Variants in CYP2R1 observed in about 807,000 individuals in gnomAD.
CYP2R1 encodes the protein cytochrome P450 family 2 subfamily R member 1.
Under a neutral mutation model 45.7 loss-of-function variants are expected in CYP2R1, and 40 were observed. That is an observed-to-expected ratio of 0.87 (90% CI 0.68 to 1.14). The LOEUF is 1.14. Ranked by LOEUF, CYP2R1 falls within the 50% of genes most tolerant of loss-of-function variation. The probability of loss-of-function intolerance (pLI) is 0.00; values close to 1 mark genes in which losing one functional copy is unlikely to be tolerated. For missense variants in CYP2R1, 605 were observed against 602.6 expected (o/e 1.00, Z -0.04); for synonymous variants, 234 against 219.3 (o/e 1.07, Z -0.59).
chr11:14,877,962 A>C lies in CYP2R1; in HGVS notation c.*160T>G, dbSNP rs2291781. 6.8e-4 allele frequency: 464 copies of C among 687,314 alleles called. 1 individual carries two copies. In the East Asian group the frequency reaches 0.012, roughly 18 times the overall value. 42.6% of individuals were successfully genotyped at this position (687,314 alleles called of 1,614,324 possible). A position where few individuals can be genotyped will look rare whatever the true frequency, so the allele number is the denominator to read the frequency against. On this transcript the variant is annotated 3_prime_UTR_variant, in exon 5 of 5. Transcript: ENST00000334636. ...AAAATCTTGAAAAACAATCACGACTAGTGCTTGTTTCTGCTCTAGTACTAT... is the reference window on the plus strand; with the variant it reads ...AAAATCTTGAAAAACAATCACGACTCGTGCTTGTTTCTGCTCTAGTACTAT...
At chr11:14,880,875 G>A (rs545936252) in intron 2 of CYP2R1, 107 bp from the exon 3 acceptor site, 4 of 1,048,542 alleles carry the variant, frequency 3.8e-6, no homozygotes. Context: ...TCTCCAAATT[G>A]TCCTCCTATA....
Position 14,890,871 on chromosome 11 carries a change from T to C in CYP2R1, c.225+1110A>G, listed in dbSNP as rs7129781. On this transcript the variant is annotated intron_variant, in intron 1 of 4. Transcript: ENST00000334636. ...GCACCTAGACCAATCCTTGTAAAAA[T>C]TGGTTTAAGTAAGGATTTAAGGTCA... 82,369 of 985,164 alleles carry C rather than the reference T, an allele frequency of 0.084. 3,872 individuals are homozygous for C. The highest frequency in any genetic ancestry group is 0.19 in the African/African-American group (10,726 of 57,244). The allele number at this position is 985,164 out of a possible 1,614,324, so 61.0% of individuals were successfully genotyped here.
rs1848883819 is a variant in CYP2R1 at position 14,892,123 on chromosome 11, C to A, written c.83G>T (p.Arg28Leu). ...LFLLLFALGVRQLLKQRRPMG... is the reference protein window; with the variant it reads ...LFLLLFALGVLQLLKQRRPMG... ...CGGCCGCCTCTGCTTCAGCAGCTGG[C>A]GGACCCCTAGCGCGAAGAGCAGCAG... Residue 28 changes from arginine to leucine, a missense_variant, in exon 1 of 5, where the codon CGC (arginine) becomes CTC (leucine). Arg to Leu is a moderately radical substitution (Grantham distance 102, BLOSUM62 -2). Coordinates refer to ENST00000334636, the MANE Select transcript of CYP2R1 (RefSeq NM_024514.5). 3 of 1,611,548 alleles carry A rather than the reference C, an allele frequency of 1.9e-6. No homozygotes were observed. The highest frequency in any genetic ancestry group is 2.5e-6 in the Non-Finnish European group (3 of 1,179,674).
At chr11:14,879,032 G>T (rs1386515974) in intron 4 of CYP2R1, 82 bp downstream of exon 4, 3 of 1,101,538 alleles carry the variant, frequency 2.7e-6, no homozygotes, top group Non-Finnish European at 2.8e-6. Context: ...TCTATAGAAG[G>T]ATGCTTCAGA....
chr11:14,879,501 AT>A, intron 3 of CYP2R1, 58 bp from the exon 4 acceptor site: 1 of 1,344,752 alleles, frequency 7.4e-7, no homozygotes. Flanking sequence ...ACCTAAAGTT[AT>A]TTCCCTCTGG....
Position 14,892,200 on chromosome 11 carries a change from C to G in CYP2R1, c.6G>C (p.Trp2Cys), listed in dbSNP as rs1555017468. The G allele has an allele frequency of 6.2e-7, 1 of 1,609,648 alleles. No homozygotes were observed. The highest frequency in any genetic ancestry group is 8.5e-7 in the Non-Finnish European group (1 of 1,179,714). Residue 2 changes from tryptophan to cysteine, a missense_variant, in exon 1 of 5, where the codon TGG (tryptophan) becomes TGC (cysteine). Coordinates refer to ENST00000334636, the MANE Select transcript of CYP2R1 (RefSeq NM_024514.5). ...CGCCCTCTTCAGCTCTCCAAAGCTT[C>G]CACATCGGCCCGAGCTGGAGGTGCG... M[W>C]KLWRAEEGAA...
At chr11:14,891,022 T>C (rs2134114501) in intron 1 of CYP2R1, 1 of 985,468 alleles carries the variant, frequency 1.0e-6, no homozygotes, top group Non-Finnish European at 1.2e-6. Context: ...TAAAAGGCTG[T>C]ATCTGCCTTC....
At chr11:14,879,566 T>G (rs1420123531) in intron 3 of CYP2R1, 123 bp from the exon 4 acceptor site, 9 of 676,520 alleles carry the variant, frequency 1.3e-5, no homozygotes, top group African/African-American at 3.6e-5. Flanking sequence ...TACATCCAGA[T>G]TCAGATTTTT....
chr11:14,887,779 A>G (rs1848676268), intron 1 of CYP2R1: 1 of 200,132 alleles, frequency 5.0e-6, no homozygotes. Context: ...CTGACTCATT[A>G]TCTTCTTCCA....
upstream of CYP2R1, chr11:14,892,346 G>T: frequency 1.3e-6 from 1 of 775,490 alleles, no homozygotes; most frequent in Non-Finnish European, 2.1e-6. Flanking sequence ...GAGCGCTCAG[G>T]CCCCTTCGGG....
chr11:14,883,853 A>G (rs2134048379), intron 2 of CYP2R1, among the ~76,000 whole-genome samples: 1 of 152,276 alleles, frequency 6.6e-6, no homozygotes, highest in South Asian at 2.1e-4. Flanking sequence ...AAACAACCCC[A>G]TCAACAAGTG....
rs1848207533 is a variant in CYP2R1, at chr11:14,877,597, T to C, written c.*525A>G. 1 of 152,536 alleles carries C rather than the reference T, an allele frequency of 6.6e-6. No individual in the cohort carries two copies. The highest frequency in any genetic ancestry group is 2.4e-5 in the African/African-American group (1 of 41,458). 9.4% of individuals were successfully genotyped at this position (152,536 alleles called of 1,614,324 possible). On this transcript the variant is annotated 3_prime_UTR_variant, in exon 5 of 5. Coordinates refer to ENST00000334636, the MANE Select transcript of CYP2R1 (RefSeq NM_024514.5). ...AAGATATGAAAGCACTGGCAGGCTC[T>C]ACATTAAATACATATTTCTTCTACC...
chr11:14,885,755 A>C, intron 2 of CYP2R1, 21 bp downstream of exon 2: 1 of 1,610,186 alleles, frequency 6.2e-7, no homozygotes, highest in Non-Finnish European at 8.5e-7. Context: ...TAAATCACTA[A>C]ATAGGTGCAA....
chr11:14,884,109 G>A (rs1848507725), intron 2 of CYP2R1, among the ~76,000 whole-genome samples: 2 of 152,024 alleles, frequency 1.3e-5, no homozygotes, highest in Admixed American at 1.3e-4. Flanking sequence ...CAACCATTGT[G>A]GAAGTCAGTG....
Position 14,878,662 on chromosome 11 carries a change from G to A in CYP2R1, c.1331-365C>T, listed in dbSNP as rs372930905. 5.3e-5 allele frequency among the ~76,000 whole-genome samples: 8 copies of A among 152,186 alleles called. No homozygotes were observed. In the South Asian group the frequency reaches 1.7e-3, roughly 32 times the overall value. On this transcript the variant is annotated intron_variant, in intron 4 of 4. Transcript: ENST00000334636. ...AAGTGTGTATTCTTCTCCAGTGAAGGGGAAGAGTTTCTAGTCCATCTTCCA... is the reference window on the plus strand; with the variant it reads ...AAGTGTGTATTCTTCTCCAGTGAAGAGGAAGAGTTTCTAGTCCATCTTCCA...
chr11:14,878,101 C>T lies in CYP2R1; in HGVS notation c.*21G>A, dbSNP rs1848222058. ...ATAAGGCAAATATACATTCTTGTTC[C>T]CGAAAACATCCCAGGCAGTTTCAGC... On this transcript the variant is annotated 3_prime_UTR_variant, in exon 5 of 5. Coordinates refer to ENST00000334636, the MANE Select transcript of CYP2R1 (RefSeq NM_024514.5). 2.5e-6 allele frequency: 4 copies of T among 1,612,276 alleles called. No individual in the cohort carries two copies. Among genetic ancestry groups the T allele is most frequent in the Non-Finnish European group, 3.4e-6 (4 of 1,178,930 alleles).
intron 1 of CYP2R1, chr11:14,890,777 T>A: frequency 1.4e-6 from 1 of 729,172 alleles, no homozygotes; most frequent in African/African-American, 1.9e-5. Context: ...CTCGATCTCC[T>A]GATTTCGTGA....
At position 14,880,613 on chromosome 11, in the gene CYP2R1, T is replaced by C; in HGVS notation, c.523A>G (p.Arg175Gly). 6.2e-7 allele frequency: 1 copy of C among 1,609,662 alleles called. No individual in the cohort carries two copies. The highest frequency in any genetic ancestry group is 1.1e-5 in the South Asian group (1 of 90,600). Residue 175 changes from arginine to glycine, a missense_variant, in exon 3 of 5, where the codon AGA becomes GGA. Arg to Gly is a moderately radical substitution (Grantham distance 125). Coordinates refer to ENST00000334636, the MANE Select transcript of CYP2R1 (RefSeq NM_024514.5). Reference sequence around the variant, plus strand: ...ATTAACTGTTTAAAGTCAAAAGGTCTACCTTTGTATGTTTCAATAGCATCA... The same window carrying C: ...ATTAACTGTTTAAAGTCAAAAGGTCCACCTTTGTATGTTTCAATAGCATCA... The part of the protein sequence containing the change: ...FNDAIETYKG[R>G]PFDFKQLITN...
rs782254783 is a variant in CYP2R1, at chr11:14,892,037, C to A, written c.169G>T (p.Ala57Ser). ...PFIGNIYSLA[A>S]SSELPHVYMR... ...TAGACATGGGGAAGCTCGGATGAGGCTGCCAGGGAATAGATGTTGCCGATA... is the reference window on the plus strand; with the variant it reads ...TAGACATGGGGAAGCTCGGATGAGGATGCCAGGGAATAGATGTTGCCGATA... The change falls in exon 1 of 5, where the codon GCC (alanine) becomes TCC (serine). Residue 57 changes from alanine to serine, a missense_variant. By Grantham distance (99) the Ala-to-Ser change is moderately conservative. Coordinates refer to ENST00000334636, the MANE Select transcript of CYP2R1 (RefSeq NM_024514.5). 1.9e-6 allele frequency: 3 copies of A among 1,613,274 alleles called. No individual in the cohort carries two copies. The highest frequency in any genetic ancestry group is 3.3e-5 in the Admixed American group (2 of 60,018).
Sources: gnomAD v4.1 joint callset for allele counts (sites outside exome capture counted in the v4.1 genomes callset) on GRCh38, gnomAD v4.1.1 for gene constraint, MANE v1.5 for transcripts, NCBI Gene and HGNC (gene_info 2026-07-23, HGNC 2026-07-21) for gene names.